The following TMEM182 variants were observed in gnomAD, a reference collection of about 807,000 sequenced individuals.
TMEM182 encodes transmembrane protein 182.
A neutral mutation model predicts 26.8 loss-of-function variants in TMEM182; 20 were observed. The ratio of observed to expected loss-of-function variants is 0.75; its 90% CI spans 0.53 to 1.09. The LOEUF (loss-of-function observed/expected upper bound fraction) is 1.09. Ranked by LOEUF, TMEM182 falls within the 50% of genes least tolerant of loss-of-function variation. The pLI is 0.00. For missense variants in TMEM182, 277 were observed against 275.5 expected, an observed-to-expected ratio of 1.01 and a Z score of -0.04; for synonymous variants, 109 against 102.2, an observed-to-expected ratio of 1.07 and a Z score of -0.40.
upstream of TMEM182, among the ~76,000 whole-genome samples, chr2:102,758,726 C>T (rs1242894213): frequency 2.6e-5 from 4 of 152,180 alleles, no homozygotes; most frequent in African/African-American, 9.7e-5. Flanking sequence ...ATTTCAGTGC[C>T]TGTTGTGTGC....
At chr2:102,799,673 C>T (rs964323227) in intron 4 of TMEM182, among the ~76,000 whole-genome samples, 7 of 152,316 alleles carry the variant, frequency 4.6e-5, no homozygotes, top group South Asian at 2.1e-4. Flanking sequence ...CTGAGCAGCA[C>T]GCCTTCCTTC....
intron 1 of TMEM182, among the ~76,000 whole-genome samples, chr2:102,744,055 CA>C (rs1397335462): frequency 1.3e-5 from 2 of 152,156 alleles, no homozygotes; most frequent in African/African-American, 4.8e-5. Flanking sequence ...TACCATCTTA[CA>C]TCTGGGTTTA....
intron 3 of TMEM182, among the ~76,000 whole-genome samples, chr2:102,830,533 T>A (rs1198717148): frequency 6.6e-6 from 1 of 152,142 alleles, no homozygotes; most frequent in Non-Finnish European, 1.5e-5. Context: ...TATTTATGTA[T>A]TTATGTATTT....
At chr2:102,769,950 A>T (rs1431544679) in intron 3 of TMEM182, among the ~76,000 whole-genome samples, 1 of 152,212 alleles carries the variant, frequency 6.6e-6, no homozygotes. Context: ...AGTTTGTAAT[A>T]ATCATTCAGC....
intron 3 of TMEM182, among the ~76,000 whole-genome samples, chr2:102,765,158 A>G (rs577677596): frequency 6.6e-6 from 1 of 152,218 alleles, no homozygotes; most frequent in Admixed American, 6.5e-5. Context: ...ACACACATAC[A>G]TGTATATACA....
Position 102,817,255 on chromosome 2 carries a change from T to C in TMEM182, c.*2287T>C, listed in dbSNP as rs1172878487. 7.1e-6 allele frequency: 7 copies of C among 985,134 alleles called. No individual in the cohort carries two copies. The highest frequency in any genetic ancestry group is 1.2e-6 in the Non-Finnish European group (1 of 829,746). The allele number at this position is 985,134 out of a possible 1,614,324, so 61.0% of individuals were successfully genotyped here. A position where few individuals can be genotyped will look rare whatever the true frequency, so the allele number is the denominator to read the frequency against. ...GTTATGTTTATTTCTCTATTGGTTG[T>C]ATTTATTAATTTTTAGAAGCCTTTA... On this transcript the variant is annotated 3_prime_UTR_variant, in exon 5 of 5. Transcript: ENST00000412401.
At position 102,815,164 on chromosome 2, in the gene TMEM182, G is replaced by A; in HGVS notation, c.*196G>A. On this transcript the variant is annotated 3_prime_UTR_variant, in exon 5 of 5. Transcript: ENST00000412401. Reference sequence around the variant, plus strand: ...CCAGACACCAGCAAGCCTCTATCTTGTCTAAGTGCTGTCAAGGACCTAGTT... The same window carrying A: ...CCAGACACCAGCAAGCCTCTATCTTATCTAAGTGCTGTCAAGGACCTAGTT... 10 of 1,402,478 alleles carry A rather than the reference G, an allele frequency of 7.1e-6. 1 individual carries two copies. In the South Asian group the frequency reaches 1.6e-4, roughly 22 times the overall value. The allele number at this position is 1,402,478 out of a possible 1,614,324, so 86.9% of individuals were successfully genotyped here. A position where few individuals can be genotyped will look rare whatever the true frequency, so the allele number is the denominator to read the frequency against.
chr2:102,771,881 C>T (rs1429219510), intron 3 of TMEM182, among the ~76,000 whole-genome samples: 2 of 152,160 alleles, frequency 1.3e-5, no homozygotes, highest in African/African-American at 4.8e-5. Context: ...CAGTAGATCC[C>T]AGTTATGATA....
chr2:102,791,817 TCTA>T (rs906419442), intron 3 of TMEM182, among the ~76,000 whole-genome samples: 7 of 152,124 alleles, frequency 4.6e-5, no homozygotes, highest in African/African-American at 1.7e-4. Flanking sequence ...TAGAGATGCT[TCTA>T]CTAGGCACAG....
At chr2:102,791,825 G>T (rs1055113828) in intron 3 of TMEM182, among the ~76,000 whole-genome samples, 3 of 151,924 alleles carry the variant, frequency 2.0e-5, no homozygotes, top group Non-Finnish European at 2.9e-5. Context: ...CTTCTACTAG[G>T]CACAGTCCAA....
intron 3 of TMEM182, among the ~76,000 whole-genome samples, chr2:102,792,958 C>G (rs893420394): frequency 6.6e-6 from 1 of 152,160 alleles, no homozygotes; most frequent in African/African-American, 2.4e-5. Flanking sequence ...TCTGCTTCAT[C>G]GTGTGTCTCC....
intron 3 of TMEM182, among the ~76,000 whole-genome samples, chr2:102,824,191 A>G (rs1219247907): frequency 1.3e-5 from 2 of 152,168 alleles, no homozygotes; most frequent in Non-Finnish European, 2.9e-5. Context: ...AGTTGACTAC[A>G]TCACAGTAAA....
In TMEM182 at chr2:102,806,854, A is replaced by G. The variant is rs117313010; in HGVS notation, c.470-7894A>G. On this transcript the variant is annotated intron_variant, in intron 4 of 4. Transcript: ENST00000412401. ...CGAAAGTTGCTCAGGGTTACTCAAT[A>G]AAGTGTAAAGTGTGAAACTTTGAGG... Among the ~76,000 whole-genome samples the G allele has an allele frequency of 1.2e-3, 187 of 152,314 alleles. 2 individuals are homozygous for G. In the East Asian group the frequency reaches 0.033, roughly 27 times the overall value.
chr2:102,796,063 TA>T (rs1285614439), intron 3 of TMEM182, among the ~76,000 whole-genome samples: 2 of 152,116 alleles, frequency 1.3e-5, no homozygotes, highest in Non-Finnish European at 2.9e-5. Flanking sequence ...ACTAAGGGAA[TA>T]AAAAGAGGAA....
chr2:102,827,593 T>C (rs1683059235), intron 3 of TMEM182, among the ~76,000 whole-genome samples: 1 of 152,218 alleles, frequency 6.6e-6, no homozygotes, highest in African/African-American at 2.4e-5. Flanking sequence ...CGTGCATCAC[T>C]GATCTTGGAA....
At position 102,798,010 on chromosome 2, in the gene TMEM182, G is replaced by T; in HGVS notation, c.469+10G>T. 1 of 1,599,264 alleles carries T rather than the reference G, an allele frequency of 6.3e-7. No individual in the cohort carries two copies. Among genetic ancestry groups the T allele is most frequent in the Non-Finnish European group, 8.5e-7 (1 of 1,175,900 alleles). ...TCATATATTGCTGCAGGTACGTACG[G>T]TGCAATGGGTATGACTTTCAGCCAC... On this transcript the variant is annotated intron_variant, in intron 4 of 4. Transcript: ENST00000412401.
chr2:102,811,551 T>A (rs1323452561), intron 4 of TMEM182, among the ~76,000 whole-genome samples: 1 of 152,206 alleles, frequency 6.6e-6, no homozygotes, highest in Non-Finnish European at 1.5e-5. Flanking sequence ...TTTAAGTGAT[T>A]GTCAAATGGT....
intron 1 of TMEM182, among the ~76,000 whole-genome samples, chr2:102,752,480 T>G (rs888044948): frequency 6.6e-6 from 1 of 152,216 alleles, no homozygotes; most frequent in Admixed American, 6.5e-5. Context: ...GAGCCGTCTA[T>G]GTAGAATCTG....
chr2:102,793,513 A>G (rs751084620), intron 3 of TMEM182, among the ~76,000 whole-genome samples: 11 of 152,162 alleles, frequency 7.2e-5, no homozygotes, highest in Non-Finnish European at 1.2e-4. Context: ...CAGCATCCAC[A>G]TATAATTGTT....
Sources: allele counts gnomAD v4.1 joint callset (sites outside exome capture counted in the v4.1 genomes callset), GRCh38; gene constraint gnomAD v4.1.1; transcripts MANE v1.5; gene names NCBI Gene and HGNC (gene_info 2026-07-23, HGNC 2026-07-21).